CEP170: variants seen among roughly 807,000 people sequenced by gnomAD.
CEP170 encodes the protein centrosomal protein 170.
In CEP170, 21 loss-of-function variants were observed where a neutral mutation model predicts 151.9. The observed-to-expected ratio is 0.14, with a 90% CI of 0.10 to 0.20. The LOEUF (loss-of-function observed/expected upper bound fraction) is 0.20, where lower values mean the gene tolerates loss of function less well. Ranked by LOEUF, CEP170 falls within the 10% of genes least tolerant of loss-of-function variation. The pLI, the probability that CEP170 is intolerant of heterozygous loss-of-function variation, is 1.00. For missense variants in CEP170, 964 were observed against 1,892.9 expected, an observed-to-expected ratio of 0.51 and a Z score of 9.11; for synonymous variants, 356 against 648.8, an observed-to-expected ratio of 0.55 and a Z score of 6.86.
chr1:243,153,861 T>C (rs964688540), intron 14 of CEP170, among the ~76,000 whole-genome samples: 19 of 152,248 alleles, frequency 1.2e-4, no homozygotes, highest in Non-Finnish European at 2.4e-4. Flanking sequence ...TTTCATTTGG[T>C]TATCTGTAAA....
chr1:243,231,151 A>AAGC (rs2063707747), intron 1 of CEP170, among the ~76,000 whole-genome samples: 1 of 128,932 alleles, frequency 7.8e-6, no homozygotes, highest in Non-Finnish European at 1.7e-5. Flanking sequence ...ACTATCTTTC[A>AAGC]AGCATCATCA....
chr1:243,150,550 G>A (rs1418800465), intron 14 of CEP170, among the ~76,000 whole-genome samples: 1 of 152,152 alleles, frequency 6.6e-6, no homozygotes, highest in African/African-American at 2.4e-5. Context: ...AATAAGTTTG[G>A]ACGGAAATTT....
chr1:243,177,078 G>A (rs1457359899), intron 10 of CEP170, among the ~76,000 whole-genome samples: 1 of 152,098 alleles, frequency 6.6e-6, no homozygotes, highest in Non-Finnish European at 1.5e-5. Context: ...TGAGGATGGG[G>A]GATACAGGGT....
At chr1:243,192,604 T>A (rs1003513143) in intron 7 of CEP170, among the ~76,000 whole-genome samples, 3 of 152,184 alleles carry the variant, frequency 2.0e-5, no homozygotes, top group African/African-American at 7.2e-5. Flanking sequence ...TTACAGACAA[T>A]TTATTAGGAA....
chr1:243,236,165 T>C (rs1398135827), intron 1 of CEP170, among the ~76,000 whole-genome samples: 2 of 152,202 alleles, frequency 1.3e-5, no homozygotes, highest in Admixed American at 1.3e-4. Context: ...ATTTTTCCCT[T>C]AAGAAAACTA....
intron 3 of CEP170, among the ~76,000 whole-genome samples, chr1:243,220,287 T>G (rs900832798): frequency 6.6e-6 from 1 of 152,220 alleles, no homozygotes; most frequent in Admixed American, 6.5e-5. Flanking sequence ...AAGACTACTG[T>G]TTGGAAGAAG....
rs771472266 is a variant in CEP170, at chr1:243,164,929, A to C, written c.3031T>G (p.Ser1011Ala). Residue 1011 changes from serine to alanine, a missense_variant, in exon 13 of 20, where the codon TCC becomes GCC. Transcript: ENST00000366542. ...GAGGGCTGTCTTATTCTCCCACTGG[A>C]CTGAACAAATTTACGACCATCTGCT... is the stretch of plus-strand genomic sequence containing the variant. ...SRADGRKFVQ[S>A]SGRIRQPSVD... is the part of the protein sequence containing the mutation. 6.8e-6 allele frequency: 11 copies of C among 1,613,774 alleles called. No individual in the cohort carries two copies. Among genetic ancestry groups the C allele is most frequent in the Non-Finnish European group, 9.3e-6 (11 of 1,179,750 alleles).
intron 7 of CEP170, among the ~76,000 whole-genome samples, chr1:243,195,730 A>G (rs2148801052): frequency 6.6e-6 from 1 of 152,268 alleles, no homozygotes; most frequent in Non-Finnish European, 1.5e-5. Flanking sequence ...TGACCACATT[A>G]AAGAACACTT....
chr1:243,239,162 T>A (rs1378472859), intron 1 of CEP170, among the ~76,000 whole-genome samples: 1 of 152,218 alleles, frequency 6.6e-6, no homozygotes, highest in Non-Finnish European at 1.5e-5. Flanking sequence ...CCTGGACTCC[T>A]CAGATTTAAT....
chr1:243,244,687 A>G (rs1056128253), intron 1 of CEP170, among the ~76,000 whole-genome samples: 29 of 152,172 alleles, frequency 1.9e-4, no homozygotes, highest in African/African-American at 6.8e-4. Context: ...TCGAGGCTGC[A>G]GTGAATGGAG....
At position 243,125,670 on chromosome 1, in the gene CEP170, A is replaced by G. The variant is rs2053638931; in HGVS notation, c.*779T>C. On this transcript the variant is annotated 3_prime_UTR_variant, in exon 20 of 20. Coordinates refer to ENST00000366542, the MANE Select transcript of CEP170 (RefSeq NM_014812.3). ...CTTATTTCCATTAAAAAAAATGAAA[A>G]AAAGTGCCAAATTGATCTTTTTGAA... 6.4e-6 allele frequency: 1 copy of G among 155,720 alleles called. No individual in the cohort carries two copies. The highest frequency in any genetic ancestry group is 6.2e-5 in the Admixed American group (1 of 16,016). 9.6% of individuals were successfully genotyped at this position (155,720 alleles called of 1,614,324 possible).
intron 1 of CEP170, chr1:243,253,322 G>A (rs995097813): frequency 7.2e-5 from 11 of 152,190 alleles, no homozygotes; most frequent in African/African-American, 2.7e-4. Context: ...GGAGCACATA[G>A]AGAAGCTTTC....
At chr1:243,210,600 T>C (rs1224534616) in intron 4 of CEP170, among the ~76,000 whole-genome samples, 2 of 143,968 alleles carry the variant, frequency 1.4e-5, no homozygotes, top group Non-Finnish European at 1.5e-5. Flanking sequence ...GTAATATTAT[T>C]TTTCGTAATT....
chr1:243,131,734 CA>C, intron 17 of CEP170, among the ~76,000 whole-genome samples: 1 of 152,160 alleles, frequency 6.6e-6, no homozygotes, highest in Middle Eastern at 3.4e-3. Context: ...CTGAAAAAAT[CA>C]TAGCTTTCAA....
intron 17 of CEP170, among the ~76,000 whole-genome samples, chr1:243,132,231 G>T (rs952077094): frequency 5.9e-5 from 9 of 152,144 alleles, no homozygotes; most frequent in African/African-American, 2.2e-4. Context: ...AGAAGGCCCA[G>T]GTCTCTACCC....
At chr1:243,139,651 G>C (rs2055592793) in intron 16 of CEP170, among the ~76,000 whole-genome samples, 1 of 152,076 alleles carries the variant, frequency 6.6e-6, no homozygotes, top group African/African-American at 2.4e-5. Context: ...TTAAGTAAAA[G>C]TTTTACAGTT....
rs1184534712 is a variant in CEP170 at position 243,185,626 on chromosome 1, TCTTA to T, written c.1566+149_1566+152del. ...CAAATAAAATCACAAAGCATGTTGG[TCTTA>T]CTGTTAAGTCTTGCAGTTCCCTAAC... On this transcript the variant is annotated intron_variant, in intron 10 of 19. Transcript: ENST00000366542. This position sits in a 1 kb window ranked among gnomAD's most constrained non-coding sequence, Gnocchi z 4.9. 6.6e-6 allele frequency among the ~76,000 whole-genome samples: 1 copy of T among 152,194 alleles called. No homozygotes were observed.
At chr1:243,250,815 A>G (rs1214166638) in intron 1 of CEP170, among the ~76,000 whole-genome samples, 1 of 152,184 alleles carries the variant, frequency 6.6e-6, no homozygotes, top group African/African-American at 2.4e-5. Flanking sequence ...ACTGTTGTTA[A>G]AGAGTTGATA....
intron 1 of CEP170, among the ~76,000 whole-genome samples, chr1:243,247,040 C>T (rs1217695221): frequency 6.6e-6 from 1 of 152,110 alleles, no homozygotes; most frequent in Admixed American, 6.5e-5. Flanking sequence ...TCATTTCCCC[C>T]ACCCTCCTGC....
Sources: allele counts gnomAD v4.1 joint callset (sites outside exome capture counted in the v4.1 genomes callset), GRCh38; gene constraint gnomAD v4.1.1; non-coding constraint Gnocchi (gnomAD v3.1); transcripts MANE v1.5; gene names NCBI Gene and HGNC (gene_info 2026-07-23, HGNC 2026-07-21).